Variants in MGA observed in about 807,000 individuals in gnomAD.
The protein encoded by MGA is MAX gene-associated protein.
In MGA, 40 loss-of-function variants were observed where a neutral mutation model predicts 261.1. The observed-to-expected ratio is 0.15, with a 90% CI of 0.12 to 0.20. The LOEUF (loss-of-function observed/expected upper bound fraction) is 0.20. Ranked by LOEUF, MGA falls within the 10% of genes least tolerant of loss-of-function variation. The pLI is 1.00. For synonymous variants in MGA, 1,302 were observed against 1,290.6 expected (o/e 1.01, Z -0.19); for missense variants, 3,397 against 3,630.5 (o/e 0.94, Z 1.65).
chr15:41,755,887 C>G (rs1675071620), intron 18 of MGA, among the ~76,000 whole-genome samples: 1 of 152,006 alleles, frequency 6.6e-6, no homozygotes, highest in African/African-American at 2.4e-5. Context: ...GGCTTGTTGG[C>G]ACACGCCTGT....
At chr15:41,683,959 A>G (rs886473443) in intron 2 of MGA, among the ~76,000 whole-genome samples, 4 of 151,860 alleles carry the variant, frequency 2.6e-5, no homozygotes, top group African/African-American at 9.7e-5. Flanking sequence ...TCCTGGATAC[A>G]TGTGCAGGAT....
chr15:41,722,746 G>A (rs577358549), intron 9 of MGA, among the ~76,000 whole-genome samples: 2 of 152,260 alleles, frequency 1.3e-5, no homozygotes, highest in South Asian at 2.1e-4. Context: ...TGCTGTATTA[G>A]CATGGCAGTT....
At chr15:41,663,516 A>G (rs1312971666) in intron 1 of MGA, among the ~76,000 whole-genome samples, 1 of 151,304 alleles carries the variant, frequency 6.6e-6, no homozygotes, top group East Asian at 1.9e-4. Context: ...TTATTTTGAG[A>G]CCGAGTCTCA....
Position 41,750,346 on chromosome 15 carries a change from A to C in MGA, c.6739A>C (p.Ile2247Leu). Residue 2247 changes from isoleucine (I) to leucine (L), a missense_variant, in exon 17 of 24, where the codon ATT (isoleucine) becomes CTT (leucine). Ile to Leu is a conservative substitution (Grantham distance 5). Around this residue, in one of 9 missense-constraint regions of MGA, gnomAD observed 1,410 missense variants for 1,386.4 expected, o/e 1.02. Transcript: ENST00000219905. ...AACTGAATGTGATTCTTGGAGTAGG[A>C]TTTCTAATCCTTCAGCCTTCTCCAT... 6.2e-7 allele frequency: 1 copy of C among 1,613,964 alleles called. No individual in the cohort carries two copies. Among genetic ancestry groups the C allele is most frequent in the Non-Finnish European group, 8.5e-7 (1 of 1,179,884 alleles).
rs753983425 is a variant in MGA at position 41,729,264 on chromosome 15, A to G, written c.3758A>G (p.Gln1253Arg). The G allele has an allele frequency of 1.8e-5, 29 of 1,613,780 alleles. No individual in the cohort carries two copies. In the South Asian group the frequency reaches 2.0e-4, roughly 11 times the overall value. ...GAGCGAAAAAAAGAGGACCAGAGACAACCATCTTCCTCCTCCTCCCCATCT... is the reference window on the plus strand; with the variant it reads ...GAGCGAAAAAAAGAGGACCAGAGACGACCATCTTCCTCCTCCTCCCCATCT... The change falls in exon 11 of 24, where the codon CAA (glutamine) becomes CGA (arginine). Residue 1253 changes from glutamine to arginine, a missense_variant. Around this residue, in one of 9 missense-constraint regions of MGA, gnomAD observed 1,410 missense variants for 1,386.4 expected, o/e 1.02. Coordinates refer to ENST00000219905, the MANE Select transcript of MGA (RefSeq NM_001164273.2).
chr15:41,737,142 C>G (rs1293665004), intron 13 of MGA, among the ~76,000 whole-genome samples: 2 of 152,008 alleles, frequency 1.3e-5, no homozygotes, highest in African/African-American at 4.8e-5. Context: ...TGTTTAGAAA[C>G]TTGGGGAAAA....
chr15:41,765,137 T>G, intron 23 of MGA, 75 bp downstream of exon 23: 1 of 1,504,618 alleles, frequency 6.6e-7, no homozygotes, highest in African/African-American at 1.4e-5. Flanking sequence ...AAGGAAGGCT[T>G]TGGATGTGTT....
Position 41,748,640 on chromosome 15 carries a change from A to G in MGA, c.5216A>G (p.Asn1739Ser). The change falls in exon 16 of 24, where the codon AAT becomes AGT. Residue 1739 changes from asparagine to serine, a missense_variant. This residue lies in a region of MGA where 1,410 missense variants were observed against 1,386.4 expected (regional missense o/e 1.02). Transcript: ENST00000219905. ...GTTTCCATTTCCTGTTTTTCAGAAA[A>G]TGCTGCTCAAATTCCAGTGGCTACT... The G allele has an allele frequency of 5.6e-6, 9 of 1,606,892 alleles. No homozygotes were observed. Among genetic ancestry groups the G allele is most frequent in the Non-Finnish European group, 7.7e-6 (9 of 1,174,974 alleles).
intron 19 of MGA, among the ~76,000 whole-genome samples, chr15:41,759,464 A>AT (rs67238224): frequency 0.1 from 9,665 of 94,794 alleles, 655 homozygotes; most frequent in South Asian, 0.16. Flanking sequence ...GTGTGTGTGT[A>AT]TTTTTTTTTT....
intron 18 of MGA, among the ~76,000 whole-genome samples, chr15:41,755,164 A>G (rs1399963107): frequency 2.0e-5 from 3 of 152,306 alleles, no homozygotes; most frequent in South Asian, 4.1e-4. Flanking sequence ...TAAGCCTTAT[A>G]TTGATTATGG....
intron 2 of MGA, among the ~76,000 whole-genome samples, chr15:41,685,957 A>G (rs2151156203): frequency 6.6e-6 from 1 of 151,416 alleles, no homozygotes; most frequent in South Asian, 2.1e-4. Flanking sequence ...GGGAGCCGAG[A>G]TCGTGCCACT....
At chr15:41,678,386 G>A (rs546180078) in intron 2 of MGA, among the ~76,000 whole-genome samples, 4 of 147,920 alleles carry the variant, frequency 2.7e-5, no homozygotes, top group South Asian at 2.3e-4. Context: ...CCACCACGCC[G>A]GAGTGTTTTT....
At chr15:41,757,366 T>A (rs181542000) in intron 18 of MGA, among the ~76,000 whole-genome samples, 1 of 152,344 alleles carries the variant, frequency 6.6e-6, no homozygotes, top group East Asian at 1.9e-4. Flanking sequence ...AACAACTGTT[T>A]ACTTAGTTTT....
At chr15:41,632,064 T>C (rs1402423881) in intron 1 of MGA, among the ~76,000 whole-genome samples, 1 of 152,194 alleles carries the variant, frequency 6.6e-6, no homozygotes, top group Non-Finnish European at 1.5e-5. Flanking sequence ...GCTTGACACA[T>C]AAAGCTCACT....
upstream of MGA, among the ~76,000 whole-genome samples, chr15:41,658,143 C>T (rs2057246111): frequency 6.6e-6 from 1 of 152,176 alleles, no homozygotes. Flanking sequence ...TGCATTCTCT[C>T]TAGTTTTTTG....
chr15:41,668,273 G>T (rs1450176313), intron 1 of MGA, among the ~76,000 whole-genome samples: 1 of 152,124 alleles, frequency 6.6e-6, no homozygotes, highest in East Asian at 1.9e-4. Context: ...ATTTGTCATG[G>T]CTTCTTTAAA....
chr15:41,691,063 C>G (rs1482887259), intron 2 of MGA, among the ~76,000 whole-genome samples: 1 of 82,296 alleles, frequency 1.2e-5, no homozygotes, highest in African/African-American at 4.8e-5. Flanking sequence ...TTGTCCCTTT[C>G]TGAAAAAAAA....
chr15:41,707,698 A>T, intron 5 of MGA, 30 bp from the exon 6 acceptor site: 2 of 1,573,222 alleles, frequency 1.3e-6, no homozygotes, highest in South Asian at 2.4e-5. Context: ...TGATTAATCT[A>T]TGGAAATATG....
chr15:41,674,950 C>T (rs1418845455), intron 2 of MGA, among the ~76,000 whole-genome samples: 2 of 152,190 alleles, frequency 1.3e-5, no homozygotes, highest in Admixed American at 6.5e-5. Flanking sequence ...TTAAATCCTC[C>T]CCTTTTTTTT....
Sources: allele counts gnomAD v4.1 joint callset (sites outside exome capture counted in the v4.1 genomes callset), GRCh38; gene constraint gnomAD v4.1.1; regional missense constraint gnomAD v4.1.1; transcripts MANE v1.5; gene names NCBI Gene and HGNC (gene_info 2026-07-23, HGNC 2026-07-21).